Variants in NOL7 observed in about 807,000 individuals in gnomAD.
NOL7 encodes the protein U3 small nucleolar RNA-associated protein NOL7.
Under a neutral mutation model 38.4 loss-of-function variants are expected in NOL7, and 36 were observed. The observed-to-expected ratio is 0.94, with a 90% CI of 0.72 to 1.24. The LOEUF (loss-of-function observed/expected upper bound fraction) is 1.24, where lower values mean the gene tolerates loss of function less well. Ranked by LOEUF, NOL7 falls within the 50% of genes most tolerant of loss-of-function variation. The pLI is 0.00. For missense variants in NOL7, 350 were observed against 315.1 expected (o/e 1.11, Z -0.84); for synonymous variants, 142 against 126.5 (o/e 1.12, Z -0.82).
intron 8 of NOL7, among the ~76,000 whole-genome samples, chr6:13,629,997 G>A (rs1228407707): frequency 1.3e-5 from 2 of 150,346 alleles, no homozygotes; most frequent in African/African-American, 2.4e-5. Context: ...ACCTAAAAAC[G>A]ATGCTACAAT....
chr6:13,620,150 A>G lies in NOL7; in HGVS notation c.501-58A>G, dbSNP rs1033390653. The stretch of plus-strand genomic sequence containing the variant: ...AGAGCGAGACTCTGTCTCAGGAAGA[A>G]AAAAAAAAGAAAGTAAGCATGTGTA... On this transcript the variant is annotated intron_variant, in intron 5 of 7. Coordinates refer to ENST00000451315, the MANE Select transcript of NOL7 (RefSeq NM_016167.5). 7 of 1,552,914 alleles carry G rather than the reference A, an allele frequency of 4.5e-6. No homozygotes were observed. In the South Asian group the frequency reaches 4.8e-5, roughly 11 times the overall value.
At chr6:13,617,544 A>G (rs952688533) in intron 3 of NOL7, among the ~76,000 whole-genome samples, 2 of 152,194 alleles carry the variant, frequency 1.3e-5, no homozygotes, top group East Asian at 1.9e-4. Flanking sequence ...GCCTGCTAAT[A>G]GGCTCTCAGA....
intron 8 of NOL7, among the ~76,000 whole-genome samples, chr6:13,626,725 A>G: frequency 6.6e-6 from 1 of 152,068 alleles, no homozygotes; most frequent in East Asian, 1.9e-4. Context: ...CAGGAACACA[A>G]CACTTTGAAA....
downstream of NOL7, among the ~76,000 whole-genome samples, chr6:13,624,577 AC>A (rs1454378040): frequency 1.3e-5 from 2 of 152,162 alleles, no homozygotes; most frequent in Admixed American, 1.3e-4. Flanking sequence ...TAAACAATCG[AC>A]CCTATCACAT....
chr6:13,622,557 C>T (rs547994951), downstream of NOL7: 23 of 1,456,976 alleles, frequency 1.6e-5, 1 homozygote, highest in East Asian at 4.9e-4. Flanking sequence ...ACATTTCAAT[C>T]AGGAGAATAC....
chr6:13,631,978 G>A (rs140152962), intron 8 of NOL7, among the ~76,000 whole-genome samples: 5 of 152,246 alleles, frequency 3.3e-5, no homozygotes, highest in Admixed American at 3.3e-4. Context: ...TTACTAAAAT[G>A]AGATCTCAGA....
At chr6:13,615,827 C>T (rs1764266792) in intron 2 of NOL7, 55 bp downstream of exon 2, 4 of 1,525,468 alleles carry the variant, frequency 2.6e-6, no homozygotes, top group Non-Finnish European at 2.7e-6. Flanking sequence ...AGGGAGAATT[C>T]CTATGGTGGA....
downstream of NOL7, chr6:13,621,900 T>TC (rs74780132): frequency 0.2 from 30,357 of 152,794 alleles, 3,619 homozygotes; most frequent in East Asian, 0.28. Context: ...ATTCAAACTG[T>TC]CGGATGTTTA....
downstream of NOL7, chr6:13,622,244 G>C: frequency 9.1e-7 from 1 of 1,094,616 alleles, no homozygotes; most frequent in Non-Finnish European, 1.2e-6. Flanking sequence ...AATGTAAAGC[G>C]ACAAAAACCT....
At chr6:13,629,790 AAAG>A (rs1280578388) in intron 8 of NOL7, among the ~76,000 whole-genome samples, 5 of 152,306 alleles carry the variant, frequency 3.3e-5, no homozygotes, top group East Asian at 3.9e-4. Context: ...GGAAAAGAGG[AAAG>A]AAGACTTTGA....
intron 7 of NOL7, 87 bp downstream of exon 7, chr6:13,620,572 T>C: frequency 1.5e-6 from 2 of 1,338,358 alleles, no homozygotes; most frequent in Non-Finnish European, 2.1e-6. Context: ...AATTATACTT[T>C]TCCCCCTTAT....
chr6:13,628,636 T>A (rs1764691019), intron 8 of NOL7, among the ~76,000 whole-genome samples: 1 of 152,102 alleles, frequency 6.6e-6, no homozygotes, highest in African/African-American at 2.4e-5. Flanking sequence ...AAATAAAAAA[T>A]GGTTTATACC....
Position 13,621,430 on chromosome 6 carries a change from G to T in NOL7, c.*603G>T, listed in dbSNP as rs1764440800. On this transcript the variant is annotated 3_prime_UTR_variant, in exon 8 of 8. Transcript: ENST00000451315. ...ATTGTAGAAACCATTAATTTTAATT[G>T]CTCTAATTTTCATAGTAATCATAAA... The T allele has an allele frequency of 6.6e-6, 1 of 152,488 alleles. No individual in the cohort carries two copies. Among genetic ancestry groups the T allele is most frequent in the African/African-American group, 2.4e-5 (1 of 41,392 alleles). 9.4% of individuals were successfully genotyped at this position (152,488 alleles called of 1,614,324 possible). A position where few individuals can be genotyped will look rare whatever the true frequency, so the allele number is the denominator to read the frequency against.
At chr6:13,629,894 T>C (rs1357007401) in intron 8 of NOL7, among the ~76,000 whole-genome samples, 1 of 118,844 alleles carries the variant, frequency 8.4e-6, no homozygotes, top group African/African-American at 3.4e-5. Flanking sequence ...CTCATGTCTC[T>C]GTCTCTCTCT....
At chr6:13,630,524 A>AG (rs1360094440) in intron 8 of NOL7, among the ~76,000 whole-genome samples, 3 of 152,034 alleles carry the variant, frequency 2.0e-5, no homozygotes, top group Admixed American at 6.5e-5. Flanking sequence ...TTCTTAAAAA[A>AG]AAAAAAAAAT....
rs75909010 is a variant in NOL7 at position 13,619,066 on chromosome 6, G to T, written c.500+927G>T. ...CAAGATACACTGCAGCCTACTGTCAGCACTTCAAACTTGCCAGCCTACTCT... is the reference window on the plus strand; with the variant it reads ...CAAGATACACTGCAGCCTACTGTCATCACTTCAAACTTGCCAGCCTACTCT... On this transcript the variant is annotated intron_variant, in intron 5 of 7. Transcript: ENST00000451315. 1.2e-3 allele frequency among the ~76,000 whole-genome samples: 184 copies of T among 152,296 alleles called. 1 individual carries two copies. In the East Asian group the frequency reaches 0.025, roughly 21 times the overall value.
At position 13,615,389 on chromosome 6, in the gene NOL7, G is replaced by T. The variant is rs1764245548; in HGVS notation, c.31G>T (p.Ala11Ser). The change falls in exon 1 of 8, where the codon GCC (alanine) becomes TCC (serine). Residue 11 changes from alanine to serine, a missense_variant. Physicochemically the swap from Ala to Ser is moderately conservative, Grantham distance 99. Coordinates refer to ENST00000451315, the MANE Select transcript of NOL7 (RefSeq NM_016167.5). MVQLRPRASRAPASAEAMVDE... is the reference protein window; with the variant it reads MVQLRPRASRSPASAEAMVDE... ...GCAGCTCCGACCGCGAGCGTCTCGC[G>T]CCCCGGCGTCGGCGGAGGCGATGGT... is the stretch of plus-strand genomic sequence containing the variant. 4 of 1,525,322 alleles carry T rather than the reference G, an allele frequency of 2.6e-6. No individual in the cohort carries two copies. Among genetic ancestry groups the T allele is most frequent in the East Asian group, 2.5e-5 (1 of 40,798 alleles). The allele number at this position is 1,525,322 out of a possible 1,614,324, so 94.5% of individuals were successfully genotyped here. A position where few individuals can be genotyped will look rare whatever the true frequency, so the allele number is the denominator to read the frequency against.
At position 13,618,064 on chromosome 6, in the gene NOL7, T is replaced by C. The variant is rs759155299; in HGVS notation, c.425T>C (p.Leu142Ser). Reference protein sequence around the residue: ...KSPGKVKEVNLQKKNEDCEKG... With the variant: ...KSPGKVKEVNSQKKNEDCEKG... The stretch of plus-strand genomic sequence containing the variant: ...ATGTAACTCTATTTTTTAGTTAATT[T>C]GCAAAAGAAAAATGAAGACTGTGAA... The change falls in exon 5 of 8, where the codon TTG becomes TCG. Residue 142 changes from leucine to serine, a missense_variant. Leu to Ser is a moderately radical substitution (Grantham distance 145, BLOSUM62 -2). Transcript: ENST00000451315. 8 of 1,514,584 alleles carry C rather than the reference T, an allele frequency of 5.3e-6. No individual in the cohort carries two copies. The highest frequency in any genetic ancestry group is 7.3e-6 in the Non-Finnish European group (8 of 1,099,086). 93.8% of individuals were successfully genotyped at this position (1,514,584 alleles called of 1,614,324 possible).
rs921256523 is a variant in NOL7, at chr6:13,617,762, T to C, written c.387-8T>C. The C allele has an allele frequency of 6.2e-7, 1 of 1,613,742 alleles. No individual in the cohort carries two copies. On this transcript the variant is annotated splice_polypyrimidine_tract_variant and splice_region_variant and intron_variant, in intron 3 of 7. Transcript: ENST00000451315. ...ATTGCAGTCAGTGGTTTTGTTTTTT[T>C]TCCTTAGCATCAAGAAATCGCCAGG...
Sources: allele counts gnomAD v4.1 joint callset (sites outside exome capture counted in the v4.1 genomes callset), GRCh38; gene constraint gnomAD v4.1.1; transcripts MANE v1.5; gene names NCBI Gene and HGNC (gene_info 2026-07-23, HGNC 2026-07-21).